PDE4D: variants seen among roughly 807,000 people sequenced by gnomAD.
PDE4D encodes the protein phosphodiesterase 4D.
PDE4D carries 24 observed loss-of-function variants against 87.4 expected under a neutral mutation model. The ratio of observed to expected loss-of-function variants is 0.27; its 90% CI spans 0.20 to 0.39. PDE4D has a LOEUF of 0.39. Ranked by LOEUF, PDE4D falls within the 10% of genes least tolerant of loss-of-function variation. The pLI is 1.00. For missense variants in PDE4D, 714 were observed against 1,041.0 expected (o/e 0.69, Z 4.32); for synonymous variants, 384 against 383.2 (o/e 1.00, Z -0.02).
chr5:59,532,848 T>C (rs17741233), intron 1 of PDE4D, among the ~76,000 whole-genome samples: 32,743 of 152,110 alleles, frequency 0.22, 4,403 homozygotes, highest in Non-Finnish European at 0.3. Context: ...GTAGCATGAT[T>C]GGACCATCTG....
intron 3 of PDE4D, among the ~76,000 whole-genome samples, chr5:59,960,723 G>A (rs1759377934): frequency 6.6e-6 from 1 of 152,030 alleles, no homozygotes; most frequent in South Asian, 2.1e-4. Flanking sequence ...AGGGAGAGAG[G>A]AGGCAAGGGC....
At chr5:59,540,748 T>G (rs1406461323) in intron 1 of PDE4D, among the ~76,000 whole-genome samples, 1 of 152,182 alleles carries the variant, frequency 6.6e-6, no homozygotes, top group Non-Finnish European at 1.5e-5. Flanking sequence ...ACTTATAAGA[T>G]ATGAGTAAGA....
At chr5:59,444,142 C>T (rs1003407441) in intron 1 of PDE4D, among the ~76,000 whole-genome samples, 5 of 152,150 alleles carry the variant, frequency 3.3e-5, no homozygotes, top group African/African-American at 1.2e-4. Context: ...AGTCAGGGTA[C>T]TTGTCTTTTT....
At chr5:59,585,152 G>A (rs6871100) in intron 1 of PDE4D, among the ~76,000 whole-genome samples, 345 of 152,208 alleles carry the variant, frequency 2.3e-3, no homozygotes, top group African/African-American at 8.0e-3. Context: ...AGGTAGATAC[G>A]CCACAGCATC....
chr5:60,312,633 C>T (rs1359993751), intron 1 of PDE4D, among the ~76,000 whole-genome samples: 4 of 152,086 alleles, frequency 2.6e-5, no homozygotes, highest in Admixed American at 2.6e-4. Context: ...TCACAAGAAC[C>T]ACATGGGGGA....
chr5:59,353,009 A>C (rs769360831), intron 1 of PDE4D, among the ~76,000 whole-genome samples: 14 of 152,200 alleles, frequency 9.2e-5, no homozygotes, highest in Non-Finnish European at 1.6e-4. Context: ...CAAGAAAACT[A>C]GAAGACACTT....
At chr5:59,515,092 C>A (rs1562315789) in intron 1 of PDE4D, among the ~76,000 whole-genome samples, 1 of 152,066 alleles carries the variant, frequency 6.6e-6, no homozygotes, top group Non-Finnish European at 1.5e-5. Context: ...AGGGGAAAAA[C>A]CACAGAAAAT....
intron 1 of PDE4D, among the ~76,000 whole-genome samples, chr5:59,848,304 A>C (rs1356910815): frequency 2.6e-5 from 4 of 152,016 alleles, no homozygotes; most frequent in Non-Finnish European, 5.9e-5. Flanking sequence ...AAAAAAGTTA[A>C]TGTAATGACA....
intron 5 of PDE4D, among the ~76,000 whole-genome samples, chr5:59,112,722 A>ATT (rs1458525101): frequency 3.9e-5 from 6 of 151,916 alleles, no homozygotes; most frequent in Non-Finnish European, 8.8e-5. Context: ...GGGGAAATCT[A>ATT]TAATTCAACC....
intron 1 of PDE4D, among the ~76,000 whole-genome samples, chr5:59,569,071 G>A (rs1175195708): frequency 6.6e-6 from 1 of 152,044 alleles, no homozygotes; most frequent in African/African-American, 2.4e-5. Context: ...ACAAAGCCCT[G>A]AAAGCCTAGA....
intron 1 of PDE4D, among the ~76,000 whole-genome samples, chr5:60,325,924 C>T (rs1180287870): frequency 7.9e-5 from 12 of 152,050 alleles, no homozygotes; most frequent in Admixed American, 7.9e-4. Flanking sequence ...TAGTATGCAA[C>T]CCTTGGGGAT....
chr5:59,196,856 G>A (rs1745563211), intron 2 of PDE4D, among the ~76,000 whole-genome samples: 1 of 152,100 alleles, frequency 6.6e-6, no homozygotes, highest in South Asian at 2.1e-4. Context: ...ATTACACAAG[G>A]AGAAAAGACA....
intron 1 of PDE4D, among the ~76,000 whole-genome samples, chr5:60,201,190 C>A (rs1741858553): frequency 7.1e-6 from 1 of 140,176 alleles, no homozygotes; most frequent in African/African-American, 2.5e-5. Context: ...ACTTGAAAAA[C>A]CTCCCAAAAA....
At chr5:60,287,516 T>C (rs1038243015) in intron 1 of PDE4D, among the ~76,000 whole-genome samples, 1 of 152,192 alleles carries the variant, frequency 6.6e-6, no homozygotes, top group Non-Finnish European at 1.5e-5. Flanking sequence ...TAGTATCTTG[T>C]ATATAGGAAG....
chr5:60,040,836 C>T (rs986473751), intron 2 of PDE4D, among the ~76,000 whole-genome samples: 9 of 152,090 alleles, frequency 5.9e-5, no homozygotes, highest in African/African-American at 2.2e-4. Context: ...TACTGAAAAA[C>T]TCAATGAGGT....
chr5:60,457,415 C>G (rs2150163260), intron 1 of PDE4D, among the ~76,000 whole-genome samples: 1 of 152,296 alleles, frequency 6.6e-6, no homozygotes, highest in South Asian at 2.1e-4. Context: ...ACATTTCCTT[C>G]CTTCTCTGCT....
chr5:60,323,328 G>A (rs1227114247), intron 1 of PDE4D, among the ~76,000 whole-genome samples: 2 of 152,152 alleles, frequency 1.3e-5, no homozygotes, highest in African/African-American at 4.8e-5. Context: ...AATCTGATCT[G>A]CTTCCAATGT....
At chr5:59,449,889 T>C (rs1798891023) in intron 1 of PDE4D, among the ~76,000 whole-genome samples, 1 of 152,198 alleles carries the variant, frequency 6.6e-6, no homozygotes, top group East Asian at 1.9e-4. Context: ...TGTACAACAC[T>C]ATATGCAGAA....
At chr5:59,768,229 G>A (rs1374685832) in intron 1 of PDE4D, 5 of 1,596,172 alleles carry the variant, frequency 3.1e-6, no homozygotes, top group Non-Finnish European at 4.2e-6. Context: ...ATTTCTGCGA[G>A]GTCTGCGCAA....
Sources: gnomAD v4.1 joint callset for allele counts (sites outside exome capture counted in the v4.1 genomes callset) on GRCh38, gnomAD v4.1.1 for gene constraint, MANE v1.5 for transcripts, NCBI Gene and HGNC (gene_info 2026-07-23, HGNC 2026-07-21) for gene names.